TRPM6: variants seen among roughly 807,000 people sequenced by gnomAD.
TRPM6 encodes transient receptor potential cation channel subfamily M member 6.
In TRPM6, 111 loss-of-function variants were observed where a neutral mutation model predicts 247.6. That is an observed-to-expected ratio of 0.45 (90% confidence interval 0.38 to 0.52). The LOEUF (loss-of-function observed/expected upper bound fraction) is 0.52. Among genes scored for constraint, TRPM6 ranks in the 20% least tolerant of loss-of-function variants. The pLI, the probability that TRPM6 is intolerant of heterozygous loss-of-function variation, is 0.00. For missense variants in TRPM6, 2,126 were observed against 2,421.5 expected (o/e 0.88, Z 2.56); for synonymous variants, 892 against 853.8 (o/e 1.04, Z -0.78).
chr9:74,784,884 G>A (rs565045986), intron 21 of TRPM6, among the ~76,000 whole-genome samples: 48 of 152,260 alleles, frequency 3.2e-4, no homozygotes, highest in African/African-American at 1.1e-3. Context: ...GGCTGAGGCA[G>A]GAGGATCATT....
chr9:74,857,813 T>C (rs1056663366), intron 2 of TRPM6: 7 of 152,216 alleles, frequency 4.6e-5, no homozygotes, highest in Admixed American at 2.0e-4. Flanking sequence ...GAACTGAAAT[T>C]ACCTGTTCAT....
chr9:74,749,478 C>A (rs1826165869), intron 30 of TRPM6, among the ~76,000 whole-genome samples: 1 of 152,128 alleles, frequency 6.6e-6, no homozygotes, highest in Non-Finnish European at 1.5e-5. Flanking sequence ...ATCAATTAAA[C>A]TAAAGGATTC....
rs1384710372 is a variant in TRPM6, at chr9:74,827,842, A to G, written c.777T>C (p.Tyr259=). ...TCCTTCTGAGCTTCATTTCATTTCC[A>G]TACTTGCCCACGGTCCCATCATCAG... ...ILSDDGTVGK[Y]GNEMKLRRNL... The change falls in exon 7 of 39, where the codon TAT becomes TAC. Residue 259 remains tyrosine (Y), a synonymous_variant. Transcript: ENST00000360774. 3 of 1,614,040 alleles carry G rather than the reference A, an allele frequency of 1.9e-6. No individual in the cohort carries two copies. Among genetic ancestry groups the G allele is most frequent in the Admixed American group, 1.7e-5 (1 of 60,010 alleles).
chr9:74,847,326 A>T (rs1830144015), intron 3 of TRPM6, among the ~76,000 whole-genome samples: 1 of 151,956 alleles, frequency 6.6e-6, no homozygotes, highest in Non-Finnish European at 1.5e-5. Flanking sequence ...TCAGCCTCCC[A>T]TGCAGCTGGA....
chr9:74,887,612 C>G, intron 1 of TRPM6: 1 of 1,539,986 alleles, frequency 6.5e-7, no homozygotes, highest in Non-Finnish European at 8.7e-7. Flanking sequence ...GGGACCTGCC[C>G]TGTAGTAGCG....
intron 15 of TRPM6, among the ~76,000 whole-genome samples, chr9:74,802,548 C>T (rs900571111): frequency 7.2e-5 from 11 of 152,074 alleles, no homozygotes; most frequent in Admixed American, 1.3e-4. Flanking sequence ...CAGAGCAGTA[C>T]GATGAGTGCT....
At position 74,886,629 on chromosome 9, in the gene TRPM6, G is replaced by A. The variant is rs1230785253; in HGVS notation, c.33+1195C>T. 2.6e-5 allele frequency among the ~76,000 whole-genome samples: 4 copies of A among 152,050 alleles called. No homozygotes were observed. The East Asian group carries it at 7.7e-4, about 29-fold the overall frequency. The stretch of plus-strand genomic sequence containing the variant: ...TCCTCACCTGTAAACCGGTGGAGAT[G>A]GGAGAGACAGGATACTTGGACTTTA... On this transcript the variant is annotated intron_variant, in intron 1 of 38. Transcript: ENST00000360774.
intron 6 of TRPM6, among the ~76,000 whole-genome samples, chr9:74,828,970 ACT>A (rs961052752): frequency 1.3e-5 from 2 of 152,144 alleles, no homozygotes; most frequent in Non-Finnish European, 2.9e-5. Context: ...ATATTTTGAC[ACT>A]GACTTTTCTC....
chr9:74,812,788 G>A (rs1828782989), intron 11 of TRPM6, among the ~76,000 whole-genome samples: 1 of 152,162 alleles, frequency 6.6e-6, no homozygotes, highest in African/African-American at 2.4e-5. Context: ...TAATTGGGAG[G>A]CTGAGGTGGG....
intron 7 of TRPM6, chr9:74,827,039 C>G (rs1055217187): frequency 2.6e-5 from 4 of 152,394 alleles, no homozygotes; most frequent in African/African-American, 9.7e-5. Flanking sequence ...CACCCAGCCC[C>G]AAGGTCCCTA....
intron 13 of TRPM6, among the ~76,000 whole-genome samples, chr9:74,810,477 G>A (rs1354929400): frequency 6.6e-6 from 1 of 152,144 alleles, no homozygotes; most frequent in Non-Finnish European, 1.5e-5. Flanking sequence ...CAACCACAAA[G>A]TTATTTATTT....
At chr9:74,872,513 T>A (rs1831056871) in intron 1 of TRPM6, among the ~76,000 whole-genome samples, 1 of 151,860 alleles carries the variant, frequency 6.6e-6, no homozygotes, top group South Asian at 2.1e-4. Context: ...TACTGCAACC[T>A]CCGCCTCGCA....
At chr9:74,791,213 C>T (rs13290425) in intron 19 of TRPM6, among the ~76,000 whole-genome samples, 23,137 of 152,152 alleles carry the variant, frequency 0.15, 2,293 homozygotes, top group Middle Eastern at 0.27. Flanking sequence ...ACAAAAATAG[C>T]AAAACCTCAT....
rs141159434 is a variant in TRPM6, at chr9:74,842,205, C to G, written c.291G>C (p.Thr97=). The G allele has an allele frequency of 3.7e-6, 6 of 1,613,580 alleles. No individual in the cohort carries two copies. In the African/African-American group the frequency reaches 4.0e-5, roughly 11 times the overall value. ...TGTGCTCTCCATCTTGGAAATTAAT[C>G]GTGCCAAAAGTATCTGTTGGGCTTT... ...TTKSPTDTFG[T]INFQDGEHTH... The change falls in exon 4 of 39, where the codon ACG becomes ACC. Residue 97 remains threonine (T), a synonymous_variant. Coordinates refer to ENST00000360774, the MANE Select transcript of TRPM6 (RefSeq NM_017662.5).
chr9:74,833,472 C>T (rs979030510), intron 6 of TRPM6, among the ~76,000 whole-genome samples: 4 of 152,150 alleles, frequency 2.6e-5, no homozygotes, highest in Admixed American at 6.6e-5. Flanking sequence ...TGTTTCACTA[C>T]GGGCAAACCA....
chr9:74,808,933 C>G (rs1305502217), intron 13 of TRPM6, among the ~76,000 whole-genome samples: 1 of 152,228 alleles, frequency 6.6e-6, no homozygotes, highest in South Asian at 2.1e-4. Context: ...GTCTATAATC[C>G]ACTTTGCCTA....
chr9:74,742,026 T>C (rs1825882722), intron 33 of TRPM6, among the ~76,000 whole-genome samples: 1 of 152,252 alleles, frequency 6.6e-6, no homozygotes, highest in African/African-American at 2.4e-5. Context: ...AACTTGCTCA[T>C]GTCTTATCCT....
At chr9:74,760,490 C>T (rs1396108252) in intron 27 of TRPM6, among the ~76,000 whole-genome samples, 1 of 152,070 alleles carries the variant, frequency 6.6e-6, no homozygotes, top group African/African-American at 2.4e-5. Context: ...GATGTTTGTG[C>T]CATGATGAAA....
intron 36 of TRPM6, among the ~76,000 whole-genome samples, chr9:74,733,722 CT>C (rs1417048662): frequency 6.6e-6 from 1 of 152,166 alleles, no homozygotes; most frequent in African/African-American, 2.4e-5. Flanking sequence ...CCATGCCCGG[CT>C]AATTTTGCAC....
Sources: gnomAD v4.1 joint callset for allele counts (sites outside exome capture counted in the v4.1 genomes callset) on GRCh38, gnomAD v4.1.1 for gene constraint, MANE v1.5 for transcripts, NCBI Gene and HGNC (gene_info 2026-07-23, HGNC 2026-07-21) for gene names.